Variants in FOXO3 observed in about 807,000 individuals in gnomAD.
The protein encoded by FOXO3 is forkhead box protein O3.
FOXO3 carries 4 observed loss-of-function variants against 41.9 expected under a neutral mutation model. That is an observed-to-expected ratio of 0.10 (90% CI 0.05 to 0.22). The LOEUF (loss-of-function observed/expected upper bound fraction) is 0.22. FOXO3 is among the 10% of genes least tolerant of loss of function. FOXO3 has a pLI of 1.00. For missense variants in FOXO3, 534 were observed against 906.8 expected (o/e 0.59, Z 5.28); for synonymous variants, 318 against 389.3 (o/e 0.82, Z 2.16).
intron 1 of FOXO3, among the ~76,000 whole-genome samples, chr6:108,617,651 G>A (rs1292367128): frequency 2.0e-5 from 3 of 152,128 alleles, no homozygotes; most frequent in East Asian, 3.9e-4. Flanking sequence ...GTTTGTTGTT[G>A]TTAAAACAGA....
chr6:108,639,992 A>G (rs2128378864), intron 1 of FOXO3, among the ~76,000 whole-genome samples: 1 of 152,342 alleles, frequency 6.6e-6, no homozygotes, highest in Admixed American at 6.5e-5. Context: ...TGAGACAGAG[A>G]CTAGTTCAAA....
intron 1 of FOXO3, among the ~76,000 whole-genome samples, chr6:108,645,720 G>T (rs1778376961): frequency 6.6e-6 from 1 of 152,120 alleles, no homozygotes; most frequent in South Asian, 2.1e-4. Flanking sequence ...ATACATCAGG[G>T]TAGGTATAGA....
intron 1 of FOXO3, among the ~76,000 whole-genome samples, chr6:108,598,955 A>G (rs971928864): frequency 5.3e-5 from 8 of 152,200 alleles, no homozygotes; most frequent in Non-Finnish European, 7.3e-5. Flanking sequence ...TTGTCTGGGC[A>G]TATTCTTTCT....
chr6:108,656,457 A>T, intron 1 of FOXO3: 2 of 985,342 alleles, frequency 2.0e-6, no homozygotes, highest in Non-Finnish European at 2.4e-6. Flanking sequence ...CCTCTGAAAT[A>T]CTTTTTTAAA....
In FOXO3 at chr6:108,660,597, T is replaced by C. The variant is rs375379612; in HGVS notation, c.622-2858T>C. ...TTAAAACATTCTGGGCTGGGCGTGG[T>C]GGCTCATGCCTGTAATCCCAGCACT... On this transcript the variant is annotated intron_variant, in intron 1 of 2. Coordinates refer to ENST00000406360, the MANE Select transcript of FOXO3 (RefSeq NM_001455.4). Among the ~76,000 whole-genome samples, 4 of 152,242 alleles carry C rather than the reference T, an allele frequency of 2.6e-5. No individual in the cohort carries two copies. In the East Asian group the frequency reaches 7.7e-4, roughly 29 times the overall value.
chr6:108,591,380 G>T (rs577696829), intron 1 of FOXO3, among the ~76,000 whole-genome samples: 119 of 152,242 alleles, frequency 7.8e-4, no homozygotes, highest in Non-Finnish European at 1.6e-3. Flanking sequence ...AAATTTAAAT[G>T]GTCTATTTAT....
intron 1 of FOXO3, among the ~76,000 whole-genome samples, chr6:108,634,060 A>T (rs995475680): frequency 6.6e-6 from 1 of 152,206 alleles, no homozygotes; most frequent in Non-Finnish European, 1.5e-5. Flanking sequence ...GAGCCAGTTC[A>T]TCTGGGTCCA....
intron 1 of FOXO3, among the ~76,000 whole-genome samples, chr6:108,638,996 G>A (rs778862997): frequency 1.1e-4 from 16 of 152,160 alleles, no homozygotes; most frequent in Non-Finnish European, 1.8e-4. Context: ...CCACTGCGGT[G>A]TCAGCACTGT....
intron 1 of FOXO3, among the ~76,000 whole-genome samples, chr6:108,592,167 AG>A (rs1354696276): frequency 2.0e-5 from 3 of 152,230 alleles, no homozygotes; most frequent in African/African-American, 7.2e-5. Context: ...GGAACTTTTC[AG>A]GGAAATATGA....
intron 1 of FOXO3, among the ~76,000 whole-genome samples, chr6:108,597,867 C>T (rs1000257288): frequency 1.3e-5 from 2 of 152,136 alleles, no homozygotes; most frequent in Admixed American, 1.3e-4. Context: ...CAGAGTTCAT[C>T]ACACGCCACC....
chr6:108,608,942 G>A (rs2128368691), intron 1 of FOXO3, among the ~76,000 whole-genome samples: 1 of 152,322 alleles, frequency 6.6e-6, no homozygotes, highest in South Asian at 2.1e-4. Flanking sequence ...ATGCTCAGCA[G>A]TATAGAACTT....
At chr6:108,630,497 CCT>C (rs1341762783) in intron 1 of FOXO3, among the ~76,000 whole-genome samples, 1 of 152,080 alleles carries the variant, frequency 6.6e-6, no homozygotes, top group Admixed American at 6.6e-5. Context: ...GTATTGCGGA[CCT>C]GGCTGCTCAA....
At chr6:108,573,656 C>T (rs534894419) in intron 1 of FOXO3, among the ~76,000 whole-genome samples, 15 of 152,022 alleles carry the variant, frequency 9.9e-5, no homozygotes, top group African/African-American at 1.4e-4. Context: ...GGTGAAATCT[C>T]GTCTCTACTA....
chr6:108,646,643 T>C (rs6938053), intron 1 of FOXO3, among the ~76,000 whole-genome samples: 150,660 of 152,356 alleles, frequency 0.99, 74,503 homozygotes, highest in East Asian at 1. Context: ...TTATTTAAGT[T>C]TGATAGTTTA....
chr6:108,661,128 G>T (rs1778836254), intron 1 of FOXO3, among the ~76,000 whole-genome samples: 1 of 151,952 alleles, frequency 6.6e-6, no homozygotes, highest in Non-Finnish European at 1.5e-5. Context: ...TGTAACCCCA[G>T]CTACTCGGGA....
At chr6:108,628,947 T>C (rs116237468) in intron 1 of FOXO3, among the ~76,000 whole-genome samples, 358 of 152,190 alleles carry the variant, frequency 2.4e-3, no homozygotes, top group African/African-American at 7.7e-3. Flanking sequence ...CGAAGTGTCA[T>C]GTAGCAACAG....
At chr6:108,563,303 C>T (rs1249806990) in intron 1 of FOXO3, among the ~76,000 whole-genome samples, 1 of 152,208 alleles carries the variant, frequency 6.6e-6, no homozygotes, top group Non-Finnish European at 1.5e-5. Flanking sequence ...TATTAATCCA[C>T]TAATGTGTCT....
chr6:108,665,227 G>A (rs745495987), intron 2 of FOXO3, among the ~76,000 whole-genome samples: 8 of 152,206 alleles, frequency 5.3e-5, no homozygotes, highest in Non-Finnish European at 1.0e-4. Context: ...ATGGATGGAT[G>A]AGAAGAGAAG....
chr6:108,647,048 A>G (rs536759920), intron 1 of FOXO3, among the ~76,000 whole-genome samples: 4 of 152,222 alleles, frequency 2.6e-5, no homozygotes, highest in African/African-American at 9.6e-5. Context: ...AGGTAAAAGG[A>G]CAGAAAAACC....
Sources: gnomAD v4.1 joint callset for allele counts (sites outside exome capture counted in the v4.1 genomes callset) on GRCh38, gnomAD v4.1.1 for gene constraint, MANE v1.5 for transcripts, NCBI Gene and HGNC (gene_info 2026-07-23, HGNC 2026-07-21) for gene names.